Variants in DSCAM observed in about 807,000 individuals in gnomAD.
DSCAM encodes cell adhesion molecule DSCAM.
Under a neutral mutation model 217.7 loss-of-function variants are expected in DSCAM, and 47 were observed. The observed-to-expected ratio is 0.22, with a 90% CI of 0.17 to 0.28. The LOEUF is 0.28. Ranked by LOEUF, DSCAM falls within the 10% of genes least tolerant of loss-of-function variation. DSCAM has a pLI of 1.00. For missense variants in DSCAM, 2,080 were observed against 2,618.3 expected (o/e 0.79, Z 4.49); for synonymous variants, 1,056 against 1,015.3 (o/e 1.04, Z -0.76).
intron 3 of DSCAM, among the ~76,000 whole-genome samples, chr21:40,683,571 A>AGAAGCTG (rs1334763847): frequency 6.6e-6 from 1 of 152,182 alleles, no homozygotes; most frequent in Non-Finnish European, 1.5e-5. Context: ...ATTACTAAAG[A>AGAAGCTG]GAAGCTGTCT....
chr21:40,059,571 C>T (rs1479710366), intron 28 of DSCAM, among the ~76,000 whole-genome samples: 1 of 151,888 alleles, frequency 6.6e-6, no homozygotes, highest in African/African-American at 2.4e-5. Context: ...TGGCCTGGCC[C>T]TCAGCTAATC....
chr21:40,564,721 C>G (rs1413861920), intron 3 of DSCAM, among the ~76,000 whole-genome samples: 1 of 152,226 alleles, frequency 6.6e-6, no homozygotes, highest in Non-Finnish European at 1.5e-5. Context: ...CTAGACCCTT[C>G]TGTGTCCTAT....
At chr21:40,567,461 G>A (rs1348565555) in intron 3 of DSCAM, among the ~76,000 whole-genome samples, 1 of 152,254 alleles carries the variant, frequency 6.6e-6, no homozygotes, top group Non-Finnish European at 1.5e-5. Flanking sequence ...GAAGACAATG[G>A]ACATCCAAGT....
intron 1 of DSCAM, among the ~76,000 whole-genome samples, chr21:40,710,962 G>A (rs1555882917): frequency 6.6e-6 from 1 of 150,646 alleles, no homozygotes; most frequent in Non-Finnish European, 1.5e-5. Flanking sequence ...GCTCCGCTAG[G>A]TAAACAAAGG....
intron 1 of DSCAM, among the ~76,000 whole-genome samples, chr21:40,715,668 A>G (rs927867679): frequency 2.6e-5 from 4 of 152,226 alleles, no homozygotes; most frequent in Non-Finnish European, 5.9e-5. Context: ...TTTCAACTCA[A>G]ATAAAAATGC....
At chr21:40,737,962 C>T (rs2091081342) in intron 1 of DSCAM, among the ~76,000 whole-genome samples, 1 of 152,220 alleles carries the variant, frequency 6.6e-6, no homozygotes, top group South Asian at 2.1e-4. Flanking sequence ...CCTTTCTGAC[C>T]ACACTTTAGT....
At chr21:40,558,289 T>A (rs1048962528) in intron 3 of DSCAM, among the ~76,000 whole-genome samples, 1 of 150,292 alleles carries the variant, frequency 6.7e-6, no homozygotes, top group Non-Finnish European at 1.5e-5. Flanking sequence ...TACTAAAAAA[T>A]ACAAAAAAAT....
At chr21:40,479,527 C>A (rs2145983523) in intron 3 of DSCAM, among the ~76,000 whole-genome samples, 1 of 152,264 alleles carries the variant, frequency 6.6e-6, no homozygotes, top group South Asian at 2.1e-4. Context: ...ACAATCATGG[C>A]AGAAGGCAAA....
At chr21:40,606,732 T>C (rs1219716244) in intron 3 of DSCAM, among the ~76,000 whole-genome samples, 1 of 152,184 alleles carries the variant, frequency 6.6e-6, no homozygotes, top group Non-Finnish European at 1.5e-5. Flanking sequence ...GGAATGAACA[T>C]CTCTCTGCTC....
chr21:40,637,596 T>TATATATAA (rs2089814495), intron 3 of DSCAM, among the ~76,000 whole-genome samples: 6 of 62,270 alleles, frequency 9.6e-5, no homozygotes, highest in African/African-American at 3.3e-4. Flanking sequence ...CATATATAAA[T>TATATATAA]ATATATATAA....
intron 3 of DSCAM, among the ~76,000 whole-genome samples, chr21:40,391,657 G>A (rs1397426654): frequency 1.3e-5 from 2 of 152,156 alleles, no homozygotes; most frequent in Non-Finnish European, 2.9e-5. Context: ...CTCCCCACTG[G>A]TGCATGATGA....
At chr21:40,706,643 C>T (rs185129264) in intron 2 of DSCAM, among the ~76,000 whole-genome samples, 21 of 152,302 alleles carry the variant, frequency 1.4e-4, no homozygotes, top group African/African-American at 4.3e-4. Context: ...CACCCTCAAA[C>T]CTACCCTTCA....
At chr21:40,245,548 A>C (rs1388490020) in intron 11 of DSCAM, among the ~76,000 whole-genome samples, 1 of 152,170 alleles carries the variant, frequency 6.6e-6, no homozygotes, top group Non-Finnish European at 1.5e-5. Context: ...ATCAAGCAGC[A>C]AGTCAGGGGA....
chr21:40,051,743 T>C (rs2146496960), intron 30 of DSCAM, among the ~76,000 whole-genome samples: 1 of 152,342 alleles, frequency 6.6e-6, no homozygotes, highest in Non-Finnish European at 1.5e-5. Context: ...TAGCACTTTT[T>C]ATAGTAACCA....
chr21:40,354,665 C>T (rs1047252042), intron 4 of DSCAM, among the ~76,000 whole-genome samples: 17 of 151,904 alleles, frequency 1.1e-4, no homozygotes, highest in African/African-American at 2.4e-4. Flanking sequence ...CCGGCTAACA[C>T]GGTGAAACCC....
At chr21:40,372,180 CCCTAACTTGCCACTG>C (rs2074905488) in intron 3 of DSCAM, among the ~76,000 whole-genome samples, 1 of 152,136 alleles carries the variant, frequency 6.6e-6, no homozygotes, top group Admixed American at 6.5e-5. Flanking sequence ...TTTAACTGCT[CCCTAACTTGCCACTG>C]TACCCCACTT....
At chr21:40,189,664 T>A (rs950272722) in intron 11 of DSCAM, among the ~76,000 whole-genome samples, 2 of 151,862 alleles carry the variant, frequency 1.3e-5, no homozygotes, top group Non-Finnish European at 2.9e-5. Context: ...GCTGTTCTCA[T>A]GATAGTGAGT....
intron 21 of DSCAM, among the ~76,000 whole-genome samples, chr21:40,093,457 T>G (rs1364393630): frequency 1.3e-5 from 2 of 152,216 alleles, no homozygotes; most frequent in African/African-American, 4.8e-5. Context: ...CTCCAAGGAA[T>G]GAATGAGGGC....
chr21:40,791,114 G>A (rs2091638634), intron 1 of DSCAM, among the ~76,000 whole-genome samples: 1 of 151,374 alleles, frequency 6.6e-6, no homozygotes, highest in Non-Finnish European at 1.5e-5. Flanking sequence ...AACCCAGGAG[G>A]CAGAGGTACT....
Sources: allele counts gnomAD v4.1 joint callset (sites outside exome capture counted in the v4.1 genomes callset), GRCh38; gene constraint gnomAD v4.1.1; transcripts MANE v1.5; gene names NCBI Gene and HGNC (gene_info 2026-07-23, HGNC 2026-07-21).